Variants in GRAMD2B observed in about 807,000 individuals in gnomAD.
The protein encoded by GRAMD2B is GRAM domain-containing protein 2B.
GRAMD2B carries 41 observed loss-of-function variants against 59.2 expected under a neutral mutation model. The ratio of observed to expected loss-of-function variants is 0.69; its 90% confidence interval spans 0.54 to 0.90. The LOEUF is 0.90. Ranked by LOEUF, GRAMD2B falls within the 40% of genes least tolerant of loss-of-function variation. The probability of loss-of-function intolerance (pLI) is 0.00; values close to 1 mark genes in which losing one functional copy is unlikely to be tolerated. For missense variants in GRAMD2B, 424 were observed against 500.5 expected (o/e 0.85, Z 1.46); for synonymous variants, 161 against 182.7 (o/e 0.88, Z 0.96).
At chr5:126,366,769 G>A (rs559252901), upstream of GRAMD2B, among the ~76,000 whole-genome samples, 3 of 151,032 alleles carry the variant, frequency 2.0e-5, no homozygotes, top group East Asian at 1.9e-4. Context: ...CCCACACACC[G>A]GTTTTCCATA....
At chr5:126,467,192 T>C (rs953814147) in intron 2 of GRAMD2B, among the ~76,000 whole-genome samples, 1 of 152,078 alleles carries the variant, frequency 6.6e-6, no homozygotes, top group Non-Finnish European at 1.5e-5. Context: ...GAAGAATCGC[T>C]TGAACCCAGA....
At chr5:126,407,317 T>G (rs1048041272) in intron 1 of GRAMD2B, among the ~76,000 whole-genome samples, 14 of 152,072 alleles carry the variant, frequency 9.2e-5, no homozygotes, top group African/African-American at 3.4e-4. Context: ...GAAAAGAGTC[T>G]CTATTATAAA....
chr5:126,492,677 C>A (rs1774163166), intron 13 of GRAMD2B, among the ~76,000 whole-genome samples: 1 of 152,082 alleles, frequency 6.6e-6, no homozygotes, highest in South Asian at 2.1e-4. Flanking sequence ...ACCATGATCA[C>A]GTCACTGCAT....
intron 1 of GRAMD2B, among the ~76,000 whole-genome samples, chr5:126,399,544 G>A (rs568992368): frequency 1.2e-4 from 18 of 151,808 alleles, no homozygotes; most frequent in Non-Finnish European, 1.9e-4. Flanking sequence ...CTTCCCCTTC[G>A]CCTTCCACCA....
intron 1 of GRAMD2B, among the ~76,000 whole-genome samples, chr5:126,416,375 C>T (rs1228328909): frequency 6.6e-6 from 1 of 152,146 alleles, no homozygotes; most frequent in African/African-American, 2.4e-5. Flanking sequence ...AATTATTCAA[C>T]ATTAGAACAT....
At chr5:126,481,033 G>T (rs1771637656) in intron 8 of GRAMD2B, 2 of 332,052 alleles carry the variant, frequency 6.0e-6, no homozygotes, top group Non-Finnish European at 5.6e-6. Context: ...AAATCTATTT[G>T]AGGTAGGACT....
rs7728328 is a variant in GRAMD2B, at chr5:126,375,375, T to G, written c.125+3808T>G. 2.9e-3 allele frequency among the ~76,000 whole-genome samples: 421 copies of G among 147,346 alleles called. 6 individuals carry two copies. In the East Asian group the frequency reaches 0.042, roughly 15 times the overall value. On this transcript the variant is annotated intron_variant, in intron 1 of 8. Coordinates refer to the GRAMD2B transcript ENST00000506445. ...AAATTTACTCCTTGAAATCTTTTTG[T>G]TTTTTTTTTTCGAGATGGAGTCTCG...
At chr5:126,433,071 AAT>A (rs973361861) in intron 1 of GRAMD2B, among the ~76,000 whole-genome samples, 4 of 152,226 alleles carry the variant, frequency 2.6e-5, no homozygotes, top group Non-Finnish European at 5.9e-5. Context: ...AGGAGAATGG[AAT>A]AGAGAGGAAA....
At chr5:126,484,297 A>G in intron 9 of GRAMD2B, 105 bp from the exon 10 acceptor site, 1 of 1,324,178 alleles carries the variant, frequency 7.6e-7, no homozygotes, top group Non-Finnish European at 1.0e-6. Context: ...ATCCATTCAC[A>G]TTCTTGACCA....
intron 1 of GRAMD2B, among the ~76,000 whole-genome samples, chr5:126,446,403 T>G (rs1287751861): frequency 6.6e-6 from 1 of 152,104 alleles, no homozygotes; most frequent in Non-Finnish European, 1.5e-5. Flanking sequence ...GGTTTAAACT[T>G]CAAAAATCAT....
chr5:126,452,682 A>G (rs1258733600), intron 1 of GRAMD2B, among the ~76,000 whole-genome samples: 2 of 152,144 alleles, frequency 1.3e-5, no homozygotes, highest in South Asian at 2.1e-4. Context: ...CATTCCTGAT[A>G]TATAAGTCAG....
chr5:126,465,649 A>G (rs985931486), intron 2 of GRAMD2B, 104 bp downstream of exon 2: 2 of 964,086 alleles, frequency 2.1e-6, no homozygotes, highest in East Asian at 2.4e-5. Context: ...TATTAATACT[A>G]TAGACAAATA....
intron 1 of GRAMD2B, among the ~76,000 whole-genome samples, chr5:126,456,402 T>TG (rs1766296482): frequency 6.6e-6 from 1 of 151,730 alleles, no homozygotes; most frequent in Non-Finnish European, 1.5e-5. Flanking sequence ...TTTGTAGAGA[T>TG]GGGGTCTCCC....
intron 5 of GRAMD2B, among the ~76,000 whole-genome samples, chr5:126,474,115 A>T (rs1441814764): frequency 1.3e-5 from 2 of 152,204 alleles, no homozygotes; most frequent in Non-Finnish European, 2.9e-5. Flanking sequence ...TTGAGCTATG[A>T]TGTCACATCA....
chr5:126,414,529 C>A (rs1759096539), intron 1 of GRAMD2B, among the ~76,000 whole-genome samples: 1 of 152,158 alleles, frequency 6.6e-6, no homozygotes, highest in Admixed American at 6.5e-5. Flanking sequence ...CTCAGTCAGT[C>A]ATGGCTCACT....
At position 126,459,907 on chromosome 5, in the gene GRAMD2B, T is replaced by C. The variant is rs1299442980; in HGVS notation, c.84-5519T>C. Reference sequence around the variant, plus strand: ...TGTAACATTTTTTCTATCATACCTTTTGACACAGCAGTTCCATTTCCAGAA... The same window carrying C: ...TGTAACATTTTTTCTATCATACCTTCTGACACAGCAGTTCCATTTCCAGAA... On this transcript the variant is annotated intron_variant, in intron 1 of 13. Transcript: ENST00000285689. Among the ~76,000 whole-genome samples the C allele has an allele frequency of 1.3e-4, 20 of 152,238 alleles. 1 individual carries two copies. Among genetic ancestry groups the C allele is most frequent in the Non-Finnish European group, 2.8e-4 (19 of 68,046 alleles).
At chr5:126,490,183 C>T (rs1172651747) in intron 13 of GRAMD2B, 1 of 151,976 alleles carries the variant, frequency 6.6e-6, no homozygotes, top group Non-Finnish European at 1.5e-5. Context: ...TGAAGATAAA[C>T]GATTTTTTTT....
chr5:126,472,442 C>T (rs908174992), intron 4 of GRAMD2B, 138 bp downstream of exon 4: 1 of 637,446 alleles, frequency 1.6e-6, no homozygotes, highest in South Asian at 1.9e-5. Context: ...ATAACAATAA[C>T]ACCAGCTTCA....
chr5:126,423,756 G>A, intron 1 of GRAMD2B, 67 bp downstream of exon 1: 1 of 1,491,646 alleles, frequency 6.7e-7, no homozygotes, highest in Non-Finnish European at 9.0e-7. Context: ...TCTCTGCCCC[G>A]GGACGCATTT....
Sources: allele counts gnomAD v4.1 joint callset (sites outside exome capture counted in the v4.1 genomes callset), GRCh38; gene constraint gnomAD v4.1.1; transcripts MANE v1.5; gene names NCBI Gene and HGNC (gene_info 2026-07-23, HGNC 2026-07-21).